UBAC2: variants seen among roughly 807,000 people sequenced by gnomAD.
UBAC2 encodes the protein ubiquitin-associated domain-containing protein 2.
A neutral mutation model predicts 44.0 loss-of-function variants in UBAC2; 26 were observed. The ratio of observed to expected loss-of-function variants is 0.59; its 90% CI spans 0.43 to 0.82. UBAC2 has a LOEUF of 0.82. Ranked by LOEUF, UBAC2 falls within the 40% of genes least tolerant of loss-of-function variation. The pLI is 0.00. For missense variants in UBAC2, 329 were observed against 419.4 expected, an observed-to-expected ratio of 0.78 and a Z score of 1.88; for synonymous variants, 155 against 154.3, an observed-to-expected ratio of 1.00 and a Z score of -0.04.
chr13:99,343,298 G>A (rs1038211803), intron 7 of UBAC2, among the ~76,000 whole-genome samples: 1 of 152,196 alleles, frequency 6.6e-6, no homozygotes. Context: ...GTTTGCGCAC[G>A]CCCTCGCTCC....
chr13:99,314,164 A>G lies in UBAC2; in HGVS notation c.457A>G (p.Ile153Val). The G allele has an allele frequency of 2.5e-6, 4 of 1,613,672 alleles. No homozygotes were observed. The highest frequency in any genetic ancestry group is 2.2e-5 in the East Asian group (1 of 44,852). Reference protein sequence around the residue: ...CSIPRVQVAQILGPLSITNKT... With the variant: ...CSIPRVQVAQVLGPLSITNKT... ...CATACCAAGAGTCCAAGTGGCACAA[A>G]TTCTGGGTCCGTTGTCCATCACAAA... The change falls in exon 5 of 9, where the codon ATT becomes GTT. Residue 153 changes from isoleucine to valine, a missense_variant. Transcript: ENST00000403766.
intron 1 of UBAC2, among the ~76,000 whole-genome samples, chr13:99,214,775 G>A (rs949121566): frequency 4.6e-5 from 7 of 151,826 alleles, no homozygotes; most frequent in African/African-American, 1.7e-4. Flanking sequence ...TTTTATTTTG[G>A]GGGAATAAAT....
intron 4 of UBAC2, among the ~76,000 whole-genome samples, chr13:99,284,498 C>T (rs182615320): frequency 1.3e-3 from 198 of 152,264 alleles, no homozygotes; most frequent in African/African-American, 4.4e-3. Flanking sequence ...TAACATTTTC[C>T]GCATTTGCTG....
rs576971706 is a variant in UBAC2, at chr13:99,295,586, A to G, written c.390-18511A>G. ...CCAGGGAAGAGATTTAGTTTCTTCA[A>G]AGTTTGGATACTCCATGCATGTAAT... On this transcript the variant is annotated intron_variant, in intron 4 of 8. Coordinates refer to ENST00000403766, the MANE Select transcript of UBAC2 (RefSeq NM_001144072.2). The surrounding 1 kb of genome is among the most constrained non-coding windows in gnomAD (Gnocchi z 4.1). 6.2e-7 allele frequency: 1 copy of G among 1,614,088 alleles called. No individual in the cohort carries two copies. Among genetic ancestry groups the G allele is most frequent in the South Asian group, 1.1e-5 (1 of 91,086 alleles).
intron 4 of UBAC2, among the ~76,000 whole-genome samples, chr13:99,259,345 C>CT (rs34537761): frequency 0.21 from 29,450 of 140,870 alleles, 3,303 homozygotes; most frequent in Middle Eastern, 0.36. Context: ...GGGGTCCATC[C>CT]TTTTTTTTTT....
At chr13:99,209,768 G>A (rs957965189) in intron 1 of UBAC2, among the ~76,000 whole-genome samples, 22 of 152,202 alleles carry the variant, frequency 1.4e-4, no homozygotes, top group African/African-American at 5.1e-4. Context: ...GAGGCCAGGA[G>A]TTCGAGACCA....
intron 5 of UBAC2, chr13:99,314,956 C>G (rs1425598658): frequency 1.3e-5 from 2 of 152,218 alleles, no homozygotes; most frequent in East Asian, 3.9e-4. Flanking sequence ...CCATGTGTCG[C>G]TTGGCCTTTT....
chr13:99,292,058 C>T (rs2044095296), intron 4 of UBAC2, among the ~76,000 whole-genome samples: 1 of 152,092 alleles, frequency 6.6e-6, no homozygotes, highest in South Asian at 2.1e-4. Context: ...AGGCTTCTAA[C>T]ACCTTTTCAG....
chr13:99,348,724 C>T (rs1045838506), intron 7 of UBAC2, among the ~76,000 whole-genome samples: 8 of 152,166 alleles, frequency 5.3e-5, no homozygotes, highest in Admixed American at 1.3e-4. Context: ...GAAGGGATGA[C>T]GGTAGGCTGG....
At chr13:99,292,425 A>G (rs1417853799) in intron 4 of UBAC2, among the ~76,000 whole-genome samples, 1 of 152,070 alleles carries the variant, frequency 6.6e-6, no homozygotes, top group Non-Finnish European at 1.5e-5. Context: ...TACAGGCATG[A>G]GCCACTGCGC....
At chr13:99,202,730 G>A (rs1210884986) in intron 1 of UBAC2, among the ~76,000 whole-genome samples, 1 of 152,186 alleles carries the variant, frequency 6.6e-6, no homozygotes, top group Non-Finnish European at 1.5e-5. Context: ...GTCTTGGCCT[G>A]TTTCTAAAAT....
intron 7 of UBAC2, among the ~76,000 whole-genome samples, chr13:99,352,332 G>A (rs1198177726): frequency 6.6e-6 from 1 of 152,178 alleles, no homozygotes; most frequent in Non-Finnish European, 1.5e-5. Flanking sequence ...CCCATTAGCA[G>A]TCATTCCCAT....
intron 4 of UBAC2, among the ~76,000 whole-genome samples, chr13:99,300,515 A>G (rs1040563787): frequency 1.3e-5 from 2 of 152,340 alleles, no homozygotes; most frequent in Middle Eastern, 3.4e-3. Context: ...CCATTCTTAT[A>G]TCAGCCAGTC....
intron 7 of UBAC2, among the ~76,000 whole-genome samples, chr13:99,354,597 A>T (rs1027427670): frequency 2.6e-5 from 4 of 152,186 alleles, no homozygotes; most frequent in African/African-American, 9.7e-5. Flanking sequence ...AATGGAAGGG[A>T]CCAGGGAGGG....
chr13:99,226,347 C>T (rs1048748191), intron 1 of UBAC2, among the ~76,000 whole-genome samples: 1 of 152,198 alleles, frequency 6.6e-6, no homozygotes, highest in Non-Finnish European at 1.5e-5. Flanking sequence ...CCCATGCACC[C>T]GGTTAGTCAG....
At chr13:99,353,559 T>G (rs146732973) in intron 7 of UBAC2, among the ~76,000 whole-genome samples, 35 of 152,380 alleles carry the variant, frequency 2.3e-4, no homozygotes, top group African/African-American at 8.4e-4. Flanking sequence ...TTTGAAGATG[T>G]AAAAGTTATC....
At chr13:99,203,225 G>A (rs1233027921) in intron 1 of UBAC2, among the ~76,000 whole-genome samples, 2 of 151,938 alleles carry the variant, frequency 1.3e-5, no homozygotes, top group Non-Finnish European at 2.9e-5. Context: ...TAGTAGAGAC[G>A]GGGTTTTGCC....
At position 99,200,932 on chromosome 13, in the gene UBAC2, T is replaced by G; in HGVS notation, c.24T>G (p.Ser8Arg). 7.7e-7 allele frequency: 1 copy of G among 1,306,566 alleles called. No individual in the cohort carries two copies. Among genetic ancestry groups the G allele is most frequent in the Non-Finnish European group, 9.8e-7 (1 of 1,019,422 alleles). The allele number at this position is 1,306,566 out of a possible 1,614,324, so 80.9% of individuals were successfully genotyped here. Residue 8 changes from serine (S) to arginine (R), a missense_variant, in exon 1 of 9, where the codon AGT becomes AGG. Physicochemically the swap from Ser to Arg is moderately radical, Grantham distance 110 (BLOSUM62 -1). Coordinates refer to ENST00000403766, the MANE Select transcript of UBAC2 (RefSeq NM_001144072.2). Reference sequence around the variant, plus strand: ...CCATGTTCACCAGCACCGGCTCCAGTGGGCTCTGTGAGTACCGGCCTCCGC... The same window carrying G: ...CCATGTTCACCAGCACCGGCTCCAGGGGGCTCTGTGAGTACCGGCCTCCGC... MFTSTGS[S>R]GLYKAPLSKS...
At chr13:99,275,909 C>G (rs1455068338) in intron 4 of UBAC2, among the ~76,000 whole-genome samples, 1 of 152,186 alleles carries the variant, frequency 6.6e-6, no homozygotes, top group Non-Finnish European at 1.5e-5. Flanking sequence ...TGTTTCTTCC[C>G]TGCTCACCAC....
Sources: allele counts gnomAD v4.1 joint callset (sites outside exome capture counted in the v4.1 genomes callset), GRCh38; gene constraint gnomAD v4.1.1; non-coding constraint Gnocchi (gnomAD v3.1); transcripts MANE v1.5; gene names NCBI Gene and HGNC (gene_info 2026-07-23, HGNC 2026-07-21).